The following BMPR1A variants were observed in gnomAD, a reference collection of about 807,000 sequenced individuals.
BMPR1A encodes bone morphogenetic protein receptor type 1A, also known as bone morphogenetic protein receptor type-1A.
Under a neutral mutation model 66.0 loss-of-function variants are expected in BMPR1A, and 7 were observed. The observed-to-expected ratio is 0.11, with a 90% CI of 0.06 to 0.20. The LOEUF is 0.20. BMPR1A is among the 10% of genes least tolerant of loss of function. BMPR1A has a pLI of 1.00. For missense variants in BMPR1A, 408 were observed against 669.1 expected (o/e 0.61, Z 4.31); for synonymous variants, 200 against 229.7 (o/e 0.87, Z 1.17).
intron 1 of BMPR1A, among the ~76,000 whole-genome samples, chr10:86,829,885 G>A (rs1842244417): frequency 6.6e-6 from 1 of 152,000 alleles, no homozygotes. Context: ...TTTTTGTGTG[G>A]ACATAAATTT....
intron 8 of BMPR1A, among the ~76,000 whole-genome samples, chr10:86,915,584 C>T (rs965806371): frequency 6.6e-6 from 1 of 152,036 alleles, no homozygotes; most frequent in Non-Finnish European, 1.5e-5. Context: ...CAAAAATTAG[C>T]TGGACGTGGT....
intron 1 of BMPR1A, among the ~76,000 whole-genome samples, chr10:86,836,282 A>G (rs908597116): frequency 1.4e-5 from 2 of 143,750 alleles, no homozygotes; most frequent in Non-Finnish European, 3.0e-5. Flanking sequence ...ATAGGACTAT[A>G]GCACTATATT....
At chr10:86,860,541 T>C (rs931354438) in intron 2 of BMPR1A, among the ~76,000 whole-genome samples, 1 of 152,038 alleles carries the variant, frequency 6.6e-6, no homozygotes, top group African/African-American at 2.4e-5. Flanking sequence ...AGGCCGAAGC[T>C]GGTGGATCAC....
At chr10:86,885,112 A>T (rs979674566) in intron 3 of BMPR1A, among the ~76,000 whole-genome samples, 4 of 152,194 alleles carry the variant, frequency 2.6e-5, no homozygotes, top group Non-Finnish European at 5.9e-5. Context: ...TTGTTTGGTG[A>T]TGGAAATTTC....
At chr10:86,786,841 T>G (rs1197194694) in intron 1 of BMPR1A, among the ~76,000 whole-genome samples, 1 of 152,260 alleles carries the variant, frequency 6.6e-6, no homozygotes, top group African/African-American at 2.4e-5. Flanking sequence ...ATGCTTAGAA[T>G]GGCTCTTTTT....
intron 2 of BMPR1A, among the ~76,000 whole-genome samples, chr10:86,871,832 C>G (rs1477462519): frequency 6.6e-6 from 1 of 152,048 alleles, no homozygotes; most frequent in Non-Finnish European, 1.5e-5. Flanking sequence ...AGTCCAGTCT[C>G]CCTTTCTATC....
chr10:86,781,100 C>T (rs755219632), intron 1 of BMPR1A, among the ~76,000 whole-genome samples: 4 of 151,906 alleles, frequency 2.6e-5, no homozygotes, highest in Non-Finnish European at 5.9e-5. Flanking sequence ...GTGATCCGCC[C>T]GCCTTGGCCT....
In BMPR1A at chr10:86,849,411, T is replaced by G. The variant is rs1243006459; in HGVS notation, c.-153+10432T>G. ...AGTGTGAGCTTAGATGCCAACACTT[T>G]GATGAAGGCTTATCTGATCCCATTG... is the stretch of plus-strand genomic sequence containing the variant. On this transcript the variant is annotated intron_variant, in intron 2 of 12. Transcript: ENST00000372037. Among the ~76,000 whole-genome samples, 3 of 152,222 alleles carry G rather than the reference T, an allele frequency of 2.0e-5. No individual in the cohort carries two copies. The East Asian group carries it at 5.8e-4, about 29-fold the overall frequency.
intron 1 of BMPR1A, among the ~76,000 whole-genome samples, chr10:86,795,901 T>A (rs1239155413): frequency 1.3e-5 from 2 of 152,182 alleles, no homozygotes; most frequent in African/African-American, 4.8e-5. Flanking sequence ...TGATATTGAG[T>A]TAAATTTAAA....
At chr10:86,914,904 G>A (rs1229028768) in intron 8 of BMPR1A, among the ~76,000 whole-genome samples, 2 of 152,186 alleles carry the variant, frequency 1.3e-5, no homozygotes, top group Admixed American at 6.5e-5. Context: ...AGGCCTGAAT[G>A]TGAATGTTTA....
intron 8 of BMPR1A, among the ~76,000 whole-genome samples, chr10:86,913,447 T>C (rs1323561918): frequency 6.6e-6 from 1 of 151,988 alleles, no homozygotes; most frequent in African/African-American, 2.4e-5. Flanking sequence ...ATTTTGAAAT[T>C]CATCTTATTA....
intron 10 of BMPR1A, among the ~76,000 whole-genome samples, chr10:86,920,415 G>A (rs555299222): frequency 1.3e-5 from 2 of 152,282 alleles, no homozygotes; most frequent in South Asian, 4.1e-4. Flanking sequence ...AAATTTTTAG[G>A]AAACCTTTGA....
intron 7 of BMPR1A, among the ~76,000 whole-genome samples, chr10:86,906,827 T>C (rs1465936980): frequency 6.6e-6 from 1 of 151,846 alleles, no homozygotes; most frequent in East Asian, 1.9e-4. Context: ...TTAGATTATT[T>C]GGTGTTGTGC....
At chr10:86,832,477 A>G (rs555882464) in intron 1 of BMPR1A, among the ~76,000 whole-genome samples, 22 of 152,228 alleles carry the variant, frequency 1.4e-4, no homozygotes, top group African/African-American at 4.6e-4. Flanking sequence ...AAAAAAAAAA[A>G]AAAAAGAAAT....
chr10:86,795,555 C>T (rs1294246380), intron 1 of BMPR1A, among the ~76,000 whole-genome samples: 1 of 151,964 alleles, frequency 6.6e-6, no homozygotes, highest in Admixed American at 6.6e-5. Context: ...GTTACACATT[C>T]TTTGTTCCTG....
chr10:86,843,843 TGAG>T (rs1842452536), intron 2 of BMPR1A, among the ~76,000 whole-genome samples: 1 of 152,086 alleles, frequency 6.6e-6, no homozygotes, highest in Non-Finnish European at 1.5e-5. Flanking sequence ...AGAAATGAAG[TGAG>T]GAGGTAGGGA....
At chr10:86,859,553 T>G (rs1458823559) in intron 2 of BMPR1A, among the ~76,000 whole-genome samples, 1 of 152,012 alleles carries the variant, frequency 6.6e-6, no homozygotes, top group Non-Finnish European at 1.5e-5. Flanking sequence ...GAAGTGGTGG[T>G]TCATGCCTGT....
intron 5 of BMPR1A, among the ~76,000 whole-genome samples, chr10:86,894,944 C>T (rs1392620729): frequency 6.6e-6 from 1 of 152,156 alleles, no homozygotes; most frequent in Non-Finnish European, 1.5e-5. Flanking sequence ...CTGAATATTT[C>T]TCTGCCTGAG....
intron 8 of BMPR1A, among the ~76,000 whole-genome samples, chr10:86,913,513 A>G (rs2133554103): frequency 6.6e-6 from 1 of 152,270 alleles, no homozygotes; most frequent in South Asian, 2.1e-4. Context: ...TAGGCAGACA[A>G]CATGATTGTT....
Sources: gnomAD v4.1 joint callset for allele counts (sites outside exome capture counted in the v4.1 genomes callset) on GRCh38, gnomAD v4.1.1 for gene constraint, MANE v1.5 for transcripts, NCBI Gene and HGNC (gene_info 2026-07-23, HGNC 2026-07-21) for gene names.